VRK2: variants seen among roughly 807,000 people sequenced by gnomAD.
VRK2 encodes the protein VRK serine/threonine kinase 2.
A neutral mutation model predicts 57.6 loss-of-function variants in VRK2; 60 were observed. That is an observed-to-expected ratio of 1.04 (90% CI 0.85 to 1.29). VRK2 has a LOEUF of 1.29. Among genes scored for constraint, VRK2 ranks in the 50% most tolerant of loss-of-function variants. The pLI is 0.00. For missense variants in VRK2, 705 were observed against 588.1 expected (o/e 1.20, Z -2.06); for synonymous variants, 231 against 199.2 (o/e 1.16, Z -1.35).
At chr2:58,112,455 A>T (rs1213308235) in intron 7 of VRK2, among the ~76,000 whole-genome samples, 1 of 152,056 alleles carries the variant, frequency 6.6e-6, no homozygotes, top group Non-Finnish European at 1.5e-5. Context: ...GTCTTTCTCT[A>T]CTGAGTTATC....
chr2:57,908,741 A>G (rs1361669331), intron 1 of VRK2, among the ~76,000 whole-genome samples: 1 of 152,196 alleles, frequency 6.6e-6, no homozygotes, highest in Non-Finnish European at 1.5e-5. Flanking sequence ...GTTTTTAATG[A>G]GGCCATATCT....
chr2:57,960,561 A>T (rs1671727022), intron 1 of VRK2, among the ~76,000 whole-genome samples: 1 of 152,184 alleles, frequency 6.6e-6, no homozygotes, highest in African/African-American at 2.4e-5. Context: ...CATTTCAATT[A>T]ATTCATTTAC....
At chr2:58,054,374 G>A (rs1037174334) in intron 2 of VRK2, among the ~76,000 whole-genome samples, 4 of 150,626 alleles carry the variant, frequency 2.7e-5, no homozygotes, top group Admixed American at 2.0e-4. Context: ...TCTTGTAACT[G>A]TTTACAGTGG....
chr2:57,984,631 CT>C (rs1672536912), intron 1 of VRK2, among the ~76,000 whole-genome samples: 1 of 152,028 alleles, frequency 6.6e-6, no homozygotes, highest in Non-Finnish European at 1.5e-5. Flanking sequence ...CCCAGTATAC[CT>C]GACACATTGA....
chr2:58,086,983 C>T (rs2104191739), intron 5 of VRK2, among the ~76,000 whole-genome samples: 1 of 152,178 alleles, frequency 6.6e-6, no homozygotes, highest in South Asian at 2.1e-4. Flanking sequence ...ATCCATTGGT[C>T]CTGAGAGAGG....
chr2:58,038,527 C>T (rs940803715), intron 3 of VRK2, among the ~76,000 whole-genome samples: 1 of 152,068 alleles, frequency 6.6e-6, no homozygotes, highest in African/African-American at 2.4e-5. Context: ...AGGTGTTTTT[C>T]TCTCCAGTCC....
chr2:58,073,694 T>G (rs1008232320), intron 2 of VRK2, among the ~76,000 whole-genome samples: 29 of 149,070 alleles, frequency 1.9e-4, no homozygotes, highest in African/African-American at 6.6e-4. Context: ...AAAAGGGAAT[T>G]TATAAAGGAG....
At position 58,146,421 on chromosome 2, in the gene VRK2, A is replaced by G. The variant is rs148716461; in HGVS notation, c.1129A>G (p.Lys377Glu). 4 of 1,611,724 alleles carry G rather than the reference A, an allele frequency of 2.5e-6. No homozygotes were observed. Among genetic ancestry groups the G allele is most frequent in the South Asian group, 2.2e-5 (2 of 91,012 alleles). Residue 377 changes from lysine to glutamate, a missense_variant, in exon 12 of 13, where the codon AAA becomes GAA. By Grantham distance (56) the Lys-to-Glu change is moderately conservative. Coordinates refer to ENST00000340157, the MANE Select transcript of VRK2 (RefSeq NM_006296.7). ...ERSAESCATW[K>E]VQKEEKLIGL... ...AAGCGCTGAGTCCTGTGCAACATGG[A>G]AAGTGCAGAAAGAGGAGAAACTGAT...
At chr2:58,035,853 T>C (rs906216505) in intron 3 of VRK2, among the ~76,000 whole-genome samples, 5 of 152,034 alleles carry the variant, frequency 3.3e-5, no homozygotes, top group African/African-American at 1.2e-4. Flanking sequence ...AAAATGGGGA[T>C]AATATTTGGG....
intron 2 of VRK2, among the ~76,000 whole-genome samples, chr2:58,083,498 T>G (rs935692232): frequency 2.0e-5 from 3 of 151,852 alleles, no homozygotes; most frequent in Non-Finnish European, 4.4e-5. Context: ...AATGAATTTA[T>G]GAGATATGTA....
intron 1 of VRK2, among the ~76,000 whole-genome samples, chr2:57,981,128 G>A (rs1203817746): frequency 6.6e-6 from 1 of 152,154 alleles, no homozygotes; most frequent in Non-Finnish European, 1.5e-5. Flanking sequence ...GCTTTATAAT[G>A]TCAGTGGGCT....
chr2:58,088,647 A>C (rs1256386350), intron 6 of VRK2, among the ~76,000 whole-genome samples: 1 of 152,220 alleles, frequency 6.6e-6, no homozygotes, highest in African/African-American at 2.4e-5. Flanking sequence ...TGGCACTGCA[A>C]ACTCAATTAG....
At chr2:57,915,484 A>T (rs2103892598) in intron 1 of VRK2, among the ~76,000 whole-genome samples, 1 of 152,302 alleles carries the variant, frequency 6.6e-6, no homozygotes, top group Admixed American at 6.5e-5. Context: ...AGATACAATA[A>T]TTATATACAT....
intron 2 of VRK2, among the ~76,000 whole-genome samples, chr2:58,073,428 G>A (rs975861246): frequency 6.6e-6 from 1 of 151,774 alleles, no homozygotes. Context: ...TATAACAGTG[G>A]ATTTGTCTGT....
intron 1 of VRK2, among the ~76,000 whole-genome samples, chr2:57,976,349 C>T (rs72947188): frequency 0.015 from 2,339 of 152,188 alleles, 89 homozygotes; most frequent in African/African-American, 0.054. Context: ...CTTTCCACAG[C>T]GGCAGAACTA....
intron 7 of VRK2, among the ~76,000 whole-genome samples, chr2:58,099,728 G>T (rs1410917171): frequency 2.6e-5 from 4 of 152,036 alleles, no homozygotes; most frequent in Admixed American, 1.3e-4. Flanking sequence ...ACTTGTCACA[G>T]TGCCTTCTTG....
chr2:58,076,455 T>A (rs2104046122), intron 2 of VRK2, among the ~76,000 whole-genome samples: 1 of 152,132 alleles, frequency 6.6e-6, no homozygotes, highest in South Asian at 2.1e-4. Flanking sequence ...GTTCAAAATT[T>A]AAAAATTCGA....
intron 2 of VRK2, among the ~76,000 whole-genome samples, chr2:58,067,238 G>A (rs1668732188): frequency 6.6e-6 from 1 of 152,156 alleles, no homozygotes; most frequent in Non-Finnish European, 1.5e-5. Context: ...TGCATTTGAG[G>A]TTTTGGGACT....
At chr2:58,077,519 A>AT (rs3836116) in intron 2 of VRK2, among the ~76,000 whole-genome samples, 50 of 148,644 alleles carry the variant, frequency 3.4e-4, no homozygotes, top group Non-Finnish European at 4.8e-4. Context: ...CGTCTCCTCC[A>AT]TTTTTTTTTT....
Sources: allele counts gnomAD v4.1 joint callset (sites outside exome capture counted in the v4.1 genomes callset), GRCh38; gene constraint gnomAD v4.1.1; transcripts MANE v1.5; gene names NCBI Gene and HGNC (gene_info 2026-07-23, HGNC 2026-07-21).